Variants in TPP1 observed in about 807,000 individuals in gnomAD.
TPP1 encodes the protein tripeptidyl peptidase 1.
In TPP1, 43 loss-of-function variants were observed where a neutral mutation model predicts 67.6. The observed-to-expected ratio is 0.64, with a 90% CI of 0.50 to 0.82. The LOEUF is 0.82. Ranked by LOEUF, TPP1 falls within the 40% of genes least tolerant of loss-of-function variation. TPP1 has a pLI of 0.00. For missense variants in TPP1, 671 were observed against 710.9 expected, an observed-to-expected ratio of 0.94 and a Z score of 0.64; for synonymous variants, 272 against 281.5, an observed-to-expected ratio of 0.97 and a Z score of 0.34.
At chr11:6,617,932 G>A (rs1855611580) in intron 3 of TPP1, 156 bp from the exon 4 acceptor site, 1 of 1,009,976 alleles carries the variant, frequency 9.9e-7, no homozygotes, top group Middle Eastern at 2.1e-4. Context: ...GGAAGCAGAG[G>A]AAGAAAAGGC....
At position 6,613,331 on chromosome 11, in the gene TPP1, AGAGT is replaced by A. The variant is rs995812374; in HGVS notation, c.*1211_*1214del. 2.0e-5 allele frequency: 3 copies of A among 152,226 alleles called. No individual in the cohort carries two copies. Among genetic ancestry groups the A allele is most frequent in the African/African-American group, 7.2e-5 (3 of 41,448 alleles). The allele number at this position is 152,226 out of a possible 1,614,324, so 9.4% of individuals were successfully genotyped here. A position where few individuals can be genotyped will look rare whatever the true frequency, so the allele number is the denominator to read the frequency against. ...GTAAGGGGACGGAACAGCTTGAGCA[AGAGT>A]GAGAGTTCCTTGGGGTTTGGGGAGG... On this transcript the variant is annotated 3_prime_UTR_variant, in exon 13 of 13. Transcript: ENST00000299427.
rs546788163 is a variant in TPP1, at chr11:6,616,265, C to T, written c.1075+50G>A. On this transcript the variant is annotated intron_variant, in intron 8 of 12. Transcript: ENST00000299427. Reference sequence around the variant, plus strand: ...CAGGGATCACTGTGGAGTCAAAGCTCCCAGGCTGCAGAGGTGTAAGCATTG... The same window carrying T: ...CAGGGATCACTGTGGAGTCAAAGCTTCCAGGCTGCAGAGGTGTAAGCATTG... The T allele has an allele frequency of 5.6e-5, 90 of 1,611,586 alleles. No individual in the cohort carries two copies. The South Asian group carries it at 9.7e-4, about 17-fold the overall frequency.
intron 2 of TPP1, 120 bp downstream of exon 2, chr11:6,619,076 G>A: frequency 6.8e-7 from 1 of 1,472,292 alleles, no homozygotes; most frequent in Non-Finnish European, 9.4e-7. Context: ...TAGGAACATA[G>A]AGATGAAGCT....
Position 6,616,019 on chromosome 11 carries a change from G to C in TPP1, c.1131C>G (p.Thr377=), listed in dbSNP as rs1444283440. The C allele has an allele frequency of 5.0e-6, 8 of 1,614,086 alleles. No individual in the cohort carries two copies. The highest frequency in any genetic ancestry group is 1.3e-5 in the African/African-American group (1 of 74,916). ...SVSGRHQFRP[T]FPASSPYVTT... ...AGAGTACTTACCTGGAGGCAGGGAAGGTAGGGCGGAACTGGTGTCTTCCAG... is the reference window on the plus strand; with the variant it reads ...AGAGTACTTACCTGGAGGCAGGGAACGTAGGGCGGAACTGGTGTCTTCCAG... The change falls in exon 9 of 13, where the codon ACC becomes ACG. Residue 377 remains threonine, a synonymous_variant. Coordinates refer to ENST00000299427, the MANE Select transcript of TPP1 (RefSeq NM_000391.4).
At chr11:6,616,145 G>A (rs530813775) in intron 8 of TPP1, 71 bp from the exon 9 acceptor site, 1 of 1,602,670 alleles carries the variant, frequency 6.2e-7, no homozygotes, top group East Asian at 2.2e-5. Flanking sequence ...ATGTCAGAGG[G>A]GAAATTTGTT....
At chr11:6,615,679 A>G in intron 9 of TPP1, 117 bp from the exon 10 acceptor site, 1 of 1,340,444 alleles carries the variant, frequency 7.5e-7, no homozygotes, top group Non-Finnish European at 1.1e-6. Context: ...GTGGGGAAGC[A>G]TGTATATGGG....
In TPP1 at chr11:6,612,943, G is replaced by C. The variant is rs1028380579; in HGVS notation, c.*1603C>G. On this transcript the variant is annotated 3_prime_UTR_variant, in exon 13 of 13. Coordinates refer to ENST00000299427, the MANE Select transcript of TPP1 (RefSeq NM_000391.4). ...CGTGGTCGTTACAATGCTAGAGGTAGGCACAGGGGGCGCAGTGCAAGGGAG... is the reference window on the plus strand; with the variant it reads ...CGTGGTCGTTACAATGCTAGAGGTACGCACAGGGGGCGCAGTGCAAGGGAG... The C allele has an allele frequency of 6.5e-6, 1 of 152,696 alleles. No homozygotes were observed. Among genetic ancestry groups the C allele is most frequent in the Non-Finnish European group, 1.5e-5 (1 of 68,060 alleles). The allele number at this position is 152,696 out of a possible 1,614,324, so 9.5% of individuals were successfully genotyped here.
chr11:6,614,715 G>C, intron 12 of TPP1, 29 bp from the exon 13 acceptor site: 5 of 1,614,016 alleles, frequency 3.1e-6, no homozygotes, highest in Non-Finnish European at 4.2e-6. Flanking sequence ...TCAGATCTGG[G>C]CCTACTAGTA....
Position 6,615,304 on chromosome 11 carries a change from C to T in TPP1, c.1292G>A (p.Ser431Asn). The T allele has an allele frequency of 1.2e-6, 2 of 1,614,192 alleles. No individual in the cohort carries two copies. Among genetic ancestry groups the T allele is most frequent in the Non-Finnish European group, 1.7e-6 (2 of 1,180,034 alleles). Residue 431 changes from serine (S) to asparagine (N), a missense_variant, in exon 11 of 13, where the codon AGC becomes AAC. Coordinates refer to ENST00000299427, the MANE Select transcript of TPP1 (RefSeq NM_000391.4). ...YQEEAVTKFL[S>N]SSPHLPPSSY... ...GGATGGTGGCAGGTGGGGGCTAGAG[C>T]TCAGGAACTTCGTTACAGCTTCCTC...
intron 2 of TPP1, 118 bp downstream of exon 2, chr11:6,619,078 G>C (rs1371317392): frequency 6.8e-7 from 1 of 1,474,034 alleles, no homozygotes; most frequent in African/African-American, 1.4e-5. Flanking sequence ...GGAACATAGA[G>C]ATGAAGCTAT....
In TPP1 at chr11:6,617,067, C is replaced by A; in HGVS notation, c.595G>T (p.Gly199Trp). The A allele has an allele frequency of 6.2e-7, 1 of 1,614,126 alleles. No homozygotes were observed. The highest frequency in any genetic ancestry group is 8.5e-7 in the Non-Finnish European group (1 of 1,180,004). Residue 199 changes from glycine (G) to tryptophan (W), a missense_variant, in exon 6 of 13, where the codon GGG becomes TGG. By Grantham distance (184) the Gly-to-Trp change is radical. Transcript: ENST00000299427. ...TTACGGATCACAGAGGGGGTTACCCCCAGATGCAGGCCTACAGTCCCTGTC... is the reference window on the plus strand; with the variant it reads ...TTACGGATCACAGAGGGGGTTACCCACAGATGCAGGCCTACAGTCCCTGTC... ...QVTGTVGLHL[G>W]VTPSVIRKRY...
At position 6,616,877 on chromosome 11, in the gene TPP1, G is replaced by C. The variant is rs376868997; in HGVS notation, c.688-18C>G. On this transcript the variant is annotated intron_variant, in intron 6 of 12. Transcript: ENST00000299427. ...TCCAGGAACTATGGAGGGAGTCAGAGCAGAGATCGTGGGTCCGAGGGTGAG... is the reference window on the plus strand; with the variant it reads ...TCCAGGAACTATGGAGGGAGTCAGACCAGAGATCGTGGGTCCGAGGGTGAG... The C allele has an allele frequency of 1.3e-4, 211 of 1,614,056 alleles. 1 individual carries two copies. In the South Asian group the frequency reaches 2.1e-3, roughly 16 times the overall value.
chr11:6,614,733 T>C lies in TPP1; in HGVS notation c.1552-47A>G, dbSNP rs762392418. 2.7e-5 allele frequency: 43 copies of C among 1,614,016 alleles called. 2 individuals carry two copies. In the South Asian group the frequency reaches 4.6e-4, roughly 17 times the overall value. ...GATCTGGGCCTACTAGTACCAGTAC[T>C]TAAAGAGTATATCTCCTCACCCTGT... On this transcript the variant is annotated intron_variant, in intron 12 of 12. Transcript: ENST00000299427.
At position 6,614,525 on chromosome 11, in the gene TPP1, A is replaced by T; in HGVS notation, c.*21T>A. ...CCAGCTTCAGGGCAGGGGACAAGCCATCTCTCCTGATAGGAAAGGGTCAGG... is the reference window on the plus strand; with the variant it reads ...CCAGCTTCAGGGCAGGGGACAAGCCTTCTCTCCTGATAGGAAAGGGTCAGG... On this transcript the variant is annotated 3_prime_UTR_variant, in exon 13 of 13. Coordinates refer to ENST00000299427, the MANE Select transcript of TPP1 (RefSeq NM_000391.4). 6.2e-7 allele frequency: 1 copy of T among 1,614,192 alleles called. No individual in the cohort carries two copies. The highest frequency in any genetic ancestry group is 8.5e-7 in the Non-Finnish European group (1 of 1,180,028).
In TPP1 at chr11:6,614,303, C is replaced by G; in HGVS notation, c.*243G>C. 1.7e-6 allele frequency: 1 copy of G among 577,988 alleles called. No homozygotes were observed. Among genetic ancestry groups the G allele is most frequent in the Non-Finnish European group, 3.1e-6 (1 of 323,790 alleles). The allele number at this position is 577,988 out of a possible 1,614,324, so 35.8% of individuals were successfully genotyped here. Reference sequence around the variant, plus strand: ...GATGAGATGCGGAGGGAGAGGCATTCAAAAAATGCTAGTTACAGCATCTTA... The same window carrying G: ...GATGAGATGCGGAGGGAGAGGCATTGAAAAAATGCTAGTTACAGCATCTTA... On this transcript the variant is annotated 3_prime_UTR_variant, in exon 13 of 13. Coordinates refer to ENST00000299427, the MANE Select transcript of TPP1 (RefSeq NM_000391.4).
At chr11:6,615,711 C>T (rs1855571237) in intron 9 of TPP1, 149 bp from the exon 10 acceptor site, 1 of 1,083,762 alleles carries the variant, frequency 9.2e-7, no homozygotes, top group Non-Finnish European at 1.4e-6. Flanking sequence ...GATTTTGAGC[C>T]TTCAAGGCAT....
chr11:6,616,601 A>C, intron 7 of TPP1, 60 bp downstream of exon 7: 2 of 1,606,154 alleles, frequency 1.2e-6, no homozygotes, highest in Non-Finnish European at 1.7e-6. Flanking sequence ...CCCTTGAGGG[A>C]GCAGGGATCA....
intron 10 of TPP1, 30 bp downstream of exon 10, chr11:6,615,412 C>T: frequency 6.2e-7 from 1 of 1,614,166 alleles, no homozygotes; most frequent in Non-Finnish European, 8.5e-7. Flanking sequence ...CTCACTCTTA[C>T]CCTGCATCCA....
chr11:6,614,725 AC>A (rs1225331051), intron 12 of TPP1, 39 bp from the exon 13 acceptor site: 1 of 1,614,006 alleles, frequency 6.2e-7, no homozygotes, highest in South Asian at 1.1e-5. Context: ...GCCTACTAGT[AC>A]CAGTACTTAA....
Sources: allele counts gnomAD v4.1 joint callset, GRCh38; gene constraint gnomAD v4.1.1; transcripts MANE v1.5; gene names NCBI Gene and HGNC (gene_info 2026-07-23, HGNC 2026-07-21).